CSMD1: variants seen among roughly 807,000 people sequenced by gnomAD.
CSMD1 encodes CUB and Sushi multiple domains 1.
Under a neutral mutation model 417.5 loss-of-function variants are expected in CSMD1, and 213 were observed. The observed-to-expected ratio is 0.51, with a 90% CI of 0.46 to 0.57. CSMD1 has a LOEUF of 0.57. Ranked by LOEUF, CSMD1 falls within the 20% of genes least tolerant of loss-of-function variation. CSMD1 has a pLI of 0.00. For synonymous variants in CSMD1, 2,862 were observed against 1,736.8 expected (o/e 1.65, Z -16.11); for missense variants, 6,923 against 4,529.7 (o/e 1.53, Z -15.17).
At chr8:4,232,429 C>G (rs1213786348) in intron 3 of CSMD1, among the ~76,000 whole-genome samples, 1 of 152,138 alleles carries the variant, frequency 6.6e-6, no homozygotes, top group African/African-American at 2.4e-5. Context: ...GAACTCCTGA[C>G]CTCAGGTGAT....
chr8:3,091,716 T>C, intron 47 of CSMD1, 54 bp from the exon 48 acceptor site: 2 of 1,529,322 alleles, frequency 1.3e-6, no homozygotes, highest in Admixed American at 4.0e-5. Context: ...ACCTACCAAA[T>C]GCATACTAGG....
rs182373197 is a variant in CSMD1, at chr8:4,699,430, A to G, written c.86-61872T>C. On this transcript the variant is annotated intron_variant, in intron 1 of 69. Coordinates refer to ENST00000635120, the MANE Select transcript of CSMD1 (RefSeq NM_033225.6). ...ATCTTTTAATGCCTGTTCTATTGTCAAGACCCAGGTTCAATGTCATATTCT... is the reference window on the plus strand; with the variant it reads ...ATCTTTTAATGCCTGTTCTATTGTCGAGACCCAGGTTCAATGTCATATTCT... 2.6e-3 allele frequency among the ~76,000 whole-genome samples: 398 copies of G among 152,266 alleles called. 1 individual carries two copies. Among genetic ancestry groups the G allele is most frequent in the African/African-American group, 9.1e-3 (377 of 41,572 alleles).
At chr8:3,235,877 T>A (rs560013183) in intron 26 of CSMD1, among the ~76,000 whole-genome samples, 17 of 151,414 alleles carry the variant, frequency 1.1e-4, no homozygotes, top group Admixed American at 5.3e-4. Flanking sequence ...TGCATCTACA[T>A]AATTAGCTCG....
intron 2 of CSMD1, among the ~76,000 whole-genome samples, chr8:4,463,985 T>C (rs1799997644): frequency 6.6e-6 from 1 of 152,170 alleles, no homozygotes; most frequent in Admixed American, 6.5e-5. Context: ...TCCATTTAGC[T>C]ATAAGTCTCA....
At chr8:4,126,486 T>G (rs1183456319) in intron 3 of CSMD1, among the ~76,000 whole-genome samples, 1 of 152,114 alleles carries the variant, frequency 6.6e-6, no homozygotes, top group Admixed American at 6.5e-5. Flanking sequence ...GCACCCCACC[T>G]CCATGGGCAC....
At chr8:4,167,674 G>C (rs982981537) in intron 3 of CSMD1, among the ~76,000 whole-genome samples, 12 of 152,114 alleles carry the variant, frequency 7.9e-5, no homozygotes, top group Admixed American at 2.0e-4. Context: ...AAAAGATATT[G>C]GTTATATGAT....
chr8:3,496,775 G>A (rs554705010), intron 10 of CSMD1, among the ~76,000 whole-genome samples: 3 of 152,144 alleles, frequency 2.0e-5, no homozygotes, highest in Non-Finnish European at 4.4e-5. Context: ...GCAGTGACCT[G>A]AGATCACCAC....
chr8:3,047,241 G>T (rs957243232), intron 50 of CSMD1, among the ~76,000 whole-genome samples: 5 of 143,920 alleles, frequency 3.5e-5, no homozygotes, highest in Admixed American at 2.8e-4. Flanking sequence ...AAAAAAAAGA[G>T]TTGCTCTGAT....
At chr8:3,037,010 T>C (rs1456407958) in intron 50 of CSMD1, among the ~76,000 whole-genome samples, 1 of 152,180 alleles carries the variant, frequency 6.6e-6, no homozygotes, top group Non-Finnish European at 1.5e-5. Flanking sequence ...GAGTCCACTG[T>C]ATCATTCTTA....
chr8:3,924,526 C>T (rs777652877), intron 5 of CSMD1, among the ~76,000 whole-genome samples: 4 of 152,228 alleles, frequency 2.6e-5, no homozygotes, highest in African/African-American at 7.2e-5. Flanking sequence ...CCCAGAAGCT[C>T]GGTGGACTTG....
intron 20 of CSMD1, among the ~76,000 whole-genome samples, chr8:3,360,141 CCT>C (rs1563309490): frequency 6.6e-6 from 1 of 152,230 alleles, no homozygotes; most frequent in Non-Finnish European, 1.5e-5. Context: ...GTGGAATTTT[CCT>C]CTGTTTATTT....
chr8:3,366,122 C>T (rs546409667), intron 20 of CSMD1, among the ~76,000 whole-genome samples: 1 of 152,120 alleles, frequency 6.6e-6, no homozygotes, highest in East Asian at 1.9e-4. Context: ...TTGATCTGGG[C>T]TATGAGGAAT....
rs568759449 is a variant in CSMD1, at chr8:4,180,139, G to T, written c.416-148040C>A. On this transcript the variant is annotated intron_variant, in intron 3 of 69. Transcript: ENST00000635120. ...AGACACATTCACACATATGTTTACTGCGGCACTATTCACGACAGCAAAGAC... is the reference window on the plus strand; with the variant it reads ...AGACACATTCACACATATGTTTACTTCGGCACTATTCACGACAGCAAAGAC... Among the ~76,000 whole-genome samples the T allele has an allele frequency of 4.6e-5, 7 of 152,220 alleles. No homozygotes were observed. The South Asian group carries it at 1.5e-3, about 32-fold the overall frequency.
At chr8:4,214,472 A>T (rs1800512566) in intron 3 of CSMD1, among the ~76,000 whole-genome samples, 1 of 152,072 alleles carries the variant, frequency 6.6e-6, no homozygotes, top group Non-Finnish European at 1.5e-5. Context: ...TAATGTTTGT[A>T]TTTTTGGTAG....
chr8:4,528,653 C>G (rs1347036857), intron 2 of CSMD1, among the ~76,000 whole-genome samples: 23 of 152,112 alleles, frequency 1.5e-4, no homozygotes, highest in Non-Finnish European at 1.5e-5. Flanking sequence ...TAGATTGCAG[C>G]AATGGTTTCA....
chr8:4,409,444 A>C (rs904480411), intron 3 of CSMD1, among the ~76,000 whole-genome samples: 2 of 152,272 alleles, frequency 1.3e-5, no homozygotes, highest in African/African-American at 4.8e-5. Context: ...AAAACAAATC[A>C]ACAACAAAAA....
At chr8:4,299,938 T>C (rs1013914159) in intron 3 of CSMD1, among the ~76,000 whole-genome samples, 1 of 152,166 alleles carries the variant, frequency 6.6e-6, no homozygotes. Context: ...CCAGACACTA[T>C]TTTTCAAGTT....
chr8:4,763,628 T>C (rs1280418290), intron 1 of CSMD1, among the ~76,000 whole-genome samples: 1 of 152,204 alleles, frequency 6.6e-6, no homozygotes, highest in African/African-American at 2.4e-5. Context: ...ATTTTACCAA[T>C]TATACTTAAT....
intron 10 of CSMD1, among the ~76,000 whole-genome samples, chr8:3,562,226 G>C (rs1287537350): frequency 6.6e-6 from 1 of 152,140 alleles, no homozygotes; most frequent in Non-Finnish European, 1.5e-5. Context: ...ATAGAGATTT[G>C]TATCATACTT....
Sources: allele counts gnomAD v4.1 joint callset (sites outside exome capture counted in the v4.1 genomes callset), GRCh38; gene constraint gnomAD v4.1.1; transcripts MANE v1.5; gene names NCBI Gene and HGNC (gene_info 2026-07-23, HGNC 2026-07-21).